Variants in CIAO1 observed in about 807,000 individuals in gnomAD.
CIAO1 encodes probable cytosolic iron-sulfur protein assembly protein CIAO1.
A neutral mutation model predicts 43.1 loss-of-function variants in CIAO1; 32 were observed. The observed-to-expected ratio is 0.74, with a 90% CI of 0.56 to 1.00. The LOEUF (loss-of-function observed/expected upper bound fraction) is 1.00. Among genes scored for constraint, CIAO1 ranks in the 50% least tolerant of loss-of-function variants. The pLI is 0.00. For missense variants in CIAO1, 415 were observed against 437.4 expected (o/e 0.95, Z 0.46); for synonymous variants, 183 against 171.4 (o/e 1.07, Z -0.53).
intron 6 of CIAO1, 113 bp downstream of exon 6, chr2:96,269,468 G>A: frequency 1.0e-6 from 1 of 957,840 alleles, no homozygotes; most frequent in Non-Finnish European, 1.7e-6. Context: ...ATTGAGGGCA[G>A]CCACCCCCAT....
Position 96,273,299 on chromosome 2 carries a change from G to A in CIAO1, c.*1948G>A, listed in dbSNP as rs1475902619. The A allele has an allele frequency of 6.6e-6, 1 of 152,234 alleles. No homozygotes were observed. The highest frequency in any genetic ancestry group is 1.5e-5 in the Non-Finnish European group (1 of 68,034). 9.4% of individuals were successfully genotyped at this position (152,234 alleles called of 1,614,324 possible). On this transcript the variant is annotated 3_prime_UTR_variant, in exon 7 of 7. Transcript: ENST00000488633. ...TGATTCAAAAGTGTAAGACAGGCCAGTGGATTTTAATGTATTAACAATATA... is the reference window on the plus strand; with the variant it reads ...TGATTCAAAAGTGTAAGACAGGCCAATGGATTTTAATGTATTAACAATATA...
chr2:96,267,246 G>A, intron 1 of CIAO1, 75 bp from the exon 2 acceptor site: 1 of 1,475,152 alleles, frequency 6.8e-7, no homozygotes, highest in South Asian at 1.3e-5. Flanking sequence ...CTTGATTCCA[G>A]TGCTAGCCCC....
chr2:96,267,134 CAAAAAAAAAAAAA>C (rs1183454827), intron 1 of CIAO1, among the ~76,000 whole-genome samples, 174 bp from the exon 2 acceptor site: 38 of 36,812 alleles, frequency 1.0e-3, no homozygotes, highest in African/African-American at 3.7e-3. Context: ...AACTCCGTCT[CAAAAAAAAAAAAA>C]AAAAAAAAAA....
At chr2:96,269,481 C>T in intron 6 of CIAO1, 126 bp downstream of exon 6, 2 of 820,224 alleles carry the variant, frequency 2.4e-6, no homozygotes, top group Non-Finnish European at 4.1e-6. Flanking sequence ...ACCCCCATTC[C>T]TTATCAGGCC....
At chr2:96,267,788 GTGT>G in intron 3 of CIAO1, 45 bp from the exon 4 acceptor site, 1 of 1,611,924 alleles carries the variant, frequency 6.2e-7, no homozygotes, top group Non-Finnish European at 8.5e-7. Context: ...AGCCCCCTCT[GTGT>G]CCCTGACAGG....
Sources: allele counts gnomAD v4.1 joint callset (sites outside exome capture counted in the v4.1 genomes callset), GRCh38; gene constraint gnomAD v4.1.1; transcripts MANE v1.5; gene names NCBI Gene and HGNC (gene_info 2026-07-23, HGNC 2026-07-21).